The following TTC29 variants were observed in gnomAD, a reference collection of about 807,000 sequenced individuals.
TTC29 encodes the protein tetratricopeptide repeat protein 29.
A neutral mutation model predicts 58.1 loss-of-function variants in TTC29; 49 were observed. The observed-to-expected ratio is 0.84, with a 90% confidence interval of 0.67 to 1.07. TTC29 has a LOEUF of 1.07. Ranked by LOEUF, TTC29 falls within the 50% of genes least tolerant of loss-of-function variation. TTC29 has a pLI of 0.00. For missense variants in TTC29, 582 were observed against 555.6 expected, an observed-to-expected ratio of 1.05 and a Z score of -0.48; for synonymous variants, 209 against 196.8, an observed-to-expected ratio of 1.06 and a Z score of -0.52.
chr4:146,796,473 T>G (rs928124096), intron 11 of TTC29, among the ~76,000 whole-genome samples: 4 of 152,174 alleles, frequency 2.6e-5, no homozygotes, highest in Non-Finnish European at 5.9e-5. Context: ...ATAAAATACT[T>G]AGTATATTTA....
At chr4:146,764,020 C>T (rs1426651615) in intron 11 of TTC29, 2 of 152,030 alleles carry the variant, frequency 1.3e-5, no homozygotes, top group African/African-American at 4.8e-5. Context: ...TTTAAATCCC[C>T]CTGCTATGGC....
chr4:146,800,236 GCTGGTGAGT>G (rs150412008), intron 11 of TTC29, among the ~76,000 whole-genome samples: 5,087 of 152,282 alleles, frequency 0.033, 130 homozygotes, highest in East Asian at 0.14. Context: ...AGAGATGATT[GCTGGTGAGT>G]CACTGTTCTA....
chr4:146,774,554 C>T (rs1247339170), intron 11 of TTC29, among the ~76,000 whole-genome samples: 1 of 152,042 alleles, frequency 6.6e-6, no homozygotes, highest in Non-Finnish European at 1.5e-5. Flanking sequence ...GTATTGATTT[C>T]TATTTTTATT....
At chr4:146,746,596 C>A (rs1481481921) in intron 11 of TTC29, among the ~76,000 whole-genome samples, 1 of 152,058 alleles carries the variant, frequency 6.6e-6, no homozygotes, top group Non-Finnish European at 1.5e-5. Context: ...TCAGTTTAGA[C>A]AAAAATAGTA....
At chr4:146,817,617 A>G (rs1751502533) in intron 10 of TTC29, among the ~76,000 whole-genome samples, 1 of 152,208 alleles carries the variant, frequency 6.6e-6, no homozygotes, top group African/African-American at 2.4e-5. Flanking sequence ...CAGAGCCCGC[A>G]TCACCAAGTC....
chr4:146,742,470 A>G (rs1284669095), intron 11 of TTC29, among the ~76,000 whole-genome samples: 2 of 152,218 alleles, frequency 1.3e-5, no homozygotes, highest in Non-Finnish European at 2.9e-5. Context: ...CAGTTTGTCC[A>G]GTAAATACGT....
chr4:146,907,421 T>C (rs751506410), intron 5 of TTC29, among the ~76,000 whole-genome samples: 3 of 152,186 alleles, frequency 2.0e-5, no homozygotes, highest in Non-Finnish European at 4.4e-5. Context: ...GAGCAAATAT[T>C]ATCTTAGTTC....
intron 8 of TTC29, among the ~76,000 whole-genome samples, chr4:146,857,452 CAGGAAAATGACTGCTGA>C (rs1234545784): frequency 6.6e-6 from 1 of 152,050 alleles, no homozygotes; most frequent in Admixed American, 6.6e-5. Flanking sequence ...TGATGTAAAG[CAGGAAAATGACTGCTGA>C]GACCGCTGAG....
chr4:146,896,887 T>C (rs1043067067), intron 6 of TTC29, among the ~76,000 whole-genome samples: 5 of 152,212 alleles, frequency 3.3e-5, no homozygotes, highest in African/African-American at 1.2e-4. Context: ...GTTCTATCCT[T>C]ATGACTTTCT....
intron 11 of TTC29, among the ~76,000 whole-genome samples, chr4:146,748,897 A>G (rs1333335469): frequency 2.6e-5 from 4 of 152,212 alleles, no homozygotes; most frequent in Non-Finnish European, 5.9e-5. Flanking sequence ...CCCCCGCAAA[A>G]TAGAAATCTA....
At chr4:146,827,780 C>T (rs1266911169) in intron 9 of TTC29, among the ~76,000 whole-genome samples, 1 of 152,188 alleles carries the variant, frequency 6.6e-6, no homozygotes, top group Non-Finnish European at 1.5e-5. Flanking sequence ...ACAACTATCA[C>T]ATTCACAGCT....
chr4:146,831,423 T>C (rs1325728569), intron 9 of TTC29, among the ~76,000 whole-genome samples: 2 of 152,114 alleles, frequency 1.3e-5, no homozygotes, highest in African/African-American at 2.4e-5. Flanking sequence ...AAAGAATTAG[T>C]TTACTTGGCA....
chr4:146,722,245 A>T (rs756412005), intron 11 of TTC29, among the ~76,000 whole-genome samples: 12 of 152,230 alleles, frequency 7.9e-5, no homozygotes, highest in Non-Finnish European at 1.8e-4. Context: ...ATAATTTCCA[A>T]ATCAACCTGC....
chr4:146,740,278 G>C (rs1052799022), intron 11 of TTC29, among the ~76,000 whole-genome samples: 1 of 152,150 alleles, frequency 6.6e-6, no homozygotes, highest in Non-Finnish European at 1.5e-5. Context: ...GGAGAAACAC[G>C]TCCTTGTGTG....
At chr4:146,779,137 T>C (rs1477226193) in intron 11 of TTC29, among the ~76,000 whole-genome samples, 2 of 152,010 alleles carry the variant, frequency 1.3e-5, no homozygotes, top group Non-Finnish European at 2.9e-5. Context: ...CCCTTAAAAA[T>C]AATTTATAGC....
At chr4:146,798,886 CAAAAAAA>C (rs70958529) in intron 11 of TTC29, among the ~76,000 whole-genome samples, 12 of 18,270 alleles carry the variant, frequency 6.6e-4, no homozygotes, top group East Asian at 5.9e-3. Context: ...GACTCCGTCT[CAAAAAAA>C]AAAAAAAAAA....
At chr4:146,905,099 G>A (rs1733434021) in intron 5 of TTC29, among the ~76,000 whole-genome samples, 1 of 152,152 alleles carries the variant, frequency 6.6e-6, no homozygotes, top group Non-Finnish European at 1.5e-5. Flanking sequence ...GACAGCTCAG[G>A]TGAAAAGTAG....
At chr4:146,890,509 C>G (rs17610158) in intron 6 of TTC29, among the ~76,000 whole-genome samples, 43,037 of 152,022 alleles carry the variant, frequency 0.28, 6,651 homozygotes, top group South Asian at 0.41. Flanking sequence ...ATCACAGACA[C>G]GGTTACAAGT....
At chr4:146,898,891 C>T (rs1231622620) in intron 6 of TTC29, among the ~76,000 whole-genome samples, 3 of 152,204 alleles carry the variant, frequency 2.0e-5, no homozygotes, top group Admixed American at 2.0e-4. Flanking sequence ...TCTAGCCCCT[C>T]ACAAAGAAGG....
Sources: gnomAD v4.1 joint callset for allele counts (sites outside exome capture counted in the v4.1 genomes callset) on GRCh38, gnomAD v4.1.1 for gene constraint, MANE v1.5 for transcripts, NCBI Gene and HGNC (gene_info 2026-07-23, HGNC 2026-07-21) for gene names.